NBAS: variants seen among roughly 807,000 people sequenced by gnomAD.
NBAS encodes the protein NBAS subunit of NRZ tethering complex.
A neutral mutation model predicts 302.5 loss-of-function variants in NBAS; 219 were observed. The ratio of observed to expected loss-of-function variants is 0.72; its 90% CI spans 0.65 to 0.81. NBAS has a LOEUF of 0.81. Ranked by LOEUF, NBAS falls within the 30% of genes least tolerant of loss-of-function variation. The pLI is 0.00. For missense variants in NBAS, 2,932 were observed against 2,841.6 expected (o/e 1.03, Z -0.72); for synonymous variants, 1,118 against 1,021.6 (o/e 1.09, Z -1.80).
the NBAS span, among the ~76,000 whole-genome samples, chr2:15,070,655 C>A: frequency 2.6e-5 from 4 of 152,158 alleles, no homozygotes; most frequent in Non-Finnish European, 4.4e-5. Context: ...CACTAGGGGG[C>A]CTATTCCCTT....
intron 44 of NBAS, among the ~76,000 whole-genome samples, chr2:15,244,331 T>C (rs1449899039): frequency 1.3e-5 from 2 of 152,086 alleles, no homozygotes; most frequent in East Asian, 3.9e-4. Flanking sequence ...GCACTCCTCA[T>C]GTGGCCCAGG....
At chr2:15,277,621 A>C (rs1669644734) in intron 42 of NBAS, among the ~76,000 whole-genome samples, 1 of 152,236 alleles carries the variant, frequency 6.6e-6, no homozygotes, top group Non-Finnish European at 1.5e-5. Context: ...TGCTGTGTCC[A>C]GATAAAAGAA....
chr2:15,435,750 A>G lies in NBAS; in HGVS notation c.2340-7956T>C, dbSNP rs1432626143. On this transcript the variant is annotated intron_variant, in intron 21 of 51. Transcript: ENST00000281513. ...TGGTTTCTTTTTGTTCTAAATCCTC[A>G]CTACTTATCTGGACAACCATGTGGC... Among the ~76,000 whole-genome samples the G allele has an allele frequency of 2.0e-5, 3 of 152,134 alleles. No individual in the cohort carries two copies. In the East Asian group the frequency reaches 5.8e-4, roughly 29 times the overall value.
chr2:15,244,620 G>C (rs1022882161), intron 44 of NBAS, among the ~76,000 whole-genome samples: 9 of 152,056 alleles, frequency 5.9e-5, no homozygotes, highest in African/African-American at 1.9e-4. Context: ...GGGTGGGTGT[G>C]GGGGAAACAG....
At chr2:14,960,808 C>G in the NBAS span, among the ~76,000 whole-genome samples, 1 of 152,138 alleles carries the variant, frequency 6.6e-6, no homozygotes, top group African/African-American at 2.4e-5. Context: ...CTTAGGGATC[C>G]AAGATGAGTC....
At chr2:15,420,829 G>A (rs539484512) in intron 23 of NBAS, among the ~76,000 whole-genome samples, 54 of 152,190 alleles carry the variant, frequency 3.5e-4, no homozygotes, top group African/African-American at 1.3e-3. Context: ...GAGGAGAAGG[G>A]GAAGAGGGGG....
the NBAS span, among the ~76,000 whole-genome samples, chr2:15,075,178 G>A: frequency 2.1e-4 from 32 of 152,318 alleles, no homozygotes; most frequent in African/African-American, 6.3e-4. Context: ...GGTAAGTGAT[G>A]AGATGAACAG....
At chr2:14,935,266 TA>T in the NBAS span, among the ~76,000 whole-genome samples, 1 of 152,228 alleles carries the variant, frequency 6.6e-6, no homozygotes, top group Non-Finnish European at 1.5e-5. Flanking sequence ...GATCGGTTTT[TA>T]GTTCTACCCA....
At chr2:15,336,853 A>G (rs1487658342) in intron 35 of NBAS, among the ~76,000 whole-genome samples, 1 of 152,240 alleles carries the variant, frequency 6.6e-6, no homozygotes, top group Non-Finnish European at 1.5e-5. Context: ...GATGTATTGA[A>G]TGATTTGAAA....
chr2:15,463,421 C>G (rs1235549185), intron 19 of NBAS, among the ~76,000 whole-genome samples: 1 of 152,166 alleles, frequency 6.6e-6, no homozygotes, highest in African/African-American at 2.4e-5. Context: ...AACCCCGACT[C>G]TGTGATCACC....
chr2:15,267,779 A>G (rs759400736), intron 44 of NBAS, among the ~76,000 whole-genome samples: 1 of 152,198 alleles, frequency 6.6e-6, no homozygotes, highest in Non-Finnish European at 1.5e-5. Context: ...ATTCAGCTTT[A>G]AAGTGTTATA....
At chr2:15,044,228 A>AATG in the NBAS span, among the ~76,000 whole-genome samples, 1 of 152,168 alleles carries the variant, frequency 6.6e-6, no homozygotes, top group Non-Finnish European at 1.5e-5. Flanking sequence ...CTGTAAGACT[A>AATG]CCTGCTAATA....
chr2:15,115,056 A>G, the NBAS span, among the ~76,000 whole-genome samples: 2 of 152,206 alleles, frequency 1.3e-5, no homozygotes, highest in South Asian at 4.1e-4. Flanking sequence ...TGAAAAGTAG[A>G]AATTCTACAT....
intron 45 of NBAS, among the ~76,000 whole-genome samples, chr2:15,235,209 C>T (rs1363492806): frequency 6.6e-6 from 1 of 152,096 alleles, no homozygotes; most frequent in African/African-American, 2.4e-5. Flanking sequence ...TAAATTAATA[C>T]TTGTAATAAC....
At chr2:15,276,770 A>T in intron 43 of NBAS, 81 bp downstream of exon 43, 4 of 1,603,912 alleles carry the variant, frequency 2.5e-6, no homozygotes, top group Non-Finnish European at 3.4e-6. Flanking sequence ...ACCATAATGC[A>T]TGAACAGGAT....
chr2:15,402,051 T>C (rs1676179769), intron 26 of NBAS, 117 bp downstream of exon 26: 2 of 1,088,596 alleles, frequency 1.8e-6, no homozygotes, highest in Admixed American at 1.7e-5. Flanking sequence ...ATTTTCTTCC[T>C]TATGTTTTTT....
intron 22 of NBAS, 70 bp from the exon 23 acceptor site, chr2:15,424,538 AAGAC>A: frequency 6.4e-7 from 1 of 1,556,016 alleles, no homozygotes; most frequent in Non-Finnish European, 8.9e-7. Flanking sequence ...TTGTGAGAGA[AAGAC>A]AGGGACAGAG....
chr2:15,371,274 G>A (rs935627386), intron 31 of NBAS, among the ~76,000 whole-genome samples: 4 of 152,182 alleles, frequency 2.6e-5, no homozygotes, highest in African/African-American at 9.6e-5. Flanking sequence ...GTGGAACTGT[G>A]AGTCAATTAA....
the NBAS span, among the ~76,000 whole-genome samples, chr2:14,862,958 G>A: frequency 6.6e-6 from 1 of 152,174 alleles, no homozygotes; most frequent in African/African-American, 2.4e-5. Flanking sequence ...AAGCTATGGA[G>A]AAAGCACACC....
Sources: allele counts gnomAD v4.1 joint callset (sites outside exome capture counted in the v4.1 genomes callset), GRCh38; gene constraint gnomAD v4.1.1; transcripts MANE v1.5; gene names NCBI Gene and HGNC (gene_info 2026-07-23, HGNC 2026-07-21).